Variants in FBN1 observed in about 807,000 individuals in gnomAD.
The protein encoded by FBN1 is fibrillin 1.
FBN1 carries 29 observed loss-of-function variants against 365.1 expected under a neutral mutation model. That is an observed-to-expected ratio of 0.08 (90% confidence interval 0.06 to 0.11). The LOEUF is 0.11. FBN1 is among the 10% of genes least tolerant of loss of function. The pLI is 1.00. For synonymous variants in FBN1, 1,210 were observed against 1,270.5 expected (o/e 0.95, Z 1.01); for missense variants, 2,476 against 3,703.2 (o/e 0.67, Z 8.60).
At chr15:48,636,787 T>C (rs988945153) in intron 2 of FBN1, among the ~76,000 whole-genome samples, 4 of 152,166 alleles carry the variant, frequency 2.6e-5, no homozygotes, top group African/African-American at 4.8e-5. Flanking sequence ...CCAACTGACA[T>C]TGTGGGGCGC....
At chr15:48,463,347 T>G in intron 41 of FBN1, 107 bp from the exon 42 acceptor site, 2 of 1,121,476 alleles carry the variant, frequency 1.8e-6, no homozygotes, top group Non-Finnish European at 2.7e-6. Context: ...TTGAATTGTA[T>G]TGTAGCTTGA....
chr15:48,507,691 C>T (rs1272408719), intron 15 of FBN1, among the ~76,000 whole-genome samples: 1 of 152,188 alleles, frequency 6.6e-6, no homozygotes, highest in African/African-American at 2.4e-5. Flanking sequence ...GGACTTTATT[C>T]TGCTTTCCTC....
intron 6 of FBN1, among the ~76,000 whole-genome samples, chr15:48,541,342 CAA>C (rs375998199): frequency 5.3e-5 from 8 of 152,166 alleles, no homozygotes; most frequent in African/African-American, 1.9e-4. Flanking sequence ...TCACTATAGA[CAA>C]AGTTATTTTG....
In FBN1 at chr15:48,568,425, T is replaced by A. The variant is rs182713590; in HGVS notation, c.538+27858A>T. ...AATGGAAAAATCAATACTGTTAACA[T>A]TTCTTCACAAATTGACCTGTAGATT... On this transcript the variant is annotated intron_variant, in intron 6 of 65. Coordinates refer to ENST00000316623, the MANE Select transcript of FBN1 (RefSeq NM_000138.5). 3.3e-4 allele frequency among the ~76,000 whole-genome samples: 50 copies of A among 152,254 alleles called. 1 individual carries two copies. In the East Asian group the frequency reaches 6.0e-3, roughly 18 times the overall value.
At chr15:48,422,585 G>A (rs967039353) in intron 60 of FBN1, among the ~76,000 whole-genome samples, 3 of 152,160 alleles carry the variant, frequency 2.0e-5, no homozygotes, top group Admixed American at 2.0e-4. Context: ...ATTCTTCTTA[G>A]GATAAACCAA....
At chr15:48,612,945 G>C in intron 3 of FBN1, 65 bp downstream of exon 3, 3 of 1,176,118 alleles carry the variant, frequency 2.6e-6, no homozygotes, top group Non-Finnish European at 3.8e-6. Flanking sequence ...ACATTCTAAG[G>C]CTCCCCATGC....
At chr15:48,495,633 G>A in intron 20 of FBN1, 45 bp from the exon 21 acceptor site, 1 of 1,613,152 alleles carries the variant, frequency 6.2e-7, no homozygotes, top group Non-Finnish European at 8.5e-7. Context: ...TCTAGTCTTG[G>A]GCCTAAAAGA....
chr15:48,499,079 C>A, intron 17 of FBN1, 41 bp from the exon 18 acceptor site: 1 of 1,600,436 alleles, frequency 6.2e-7, no homozygotes, highest in South Asian at 1.1e-5. Context: ...CCCTTGTTTG[C>A]AGAACAGGTA....
At chr15:48,596,399 TG>T in intron 5 of FBN1, 21 bp from the exon 6 acceptor site, 1 of 1,603,472 alleles carries the variant, frequency 6.2e-7, no homozygotes, top group Non-Finnish European at 8.5e-7. Flanking sequence ...AGGAGAGAGC[TG>T]AGACGCTTTA....
chr15:48,503,988 A>G, intron 16 of FBN1, 49 bp from the exon 17 acceptor site: 6 of 1,609,776 alleles, frequency 3.7e-6, no homozygotes, highest in Non-Finnish European at 5.1e-6. Flanking sequence ...CAAACAGATG[A>G]GAACCCCCCA....
chr15:48,526,387 G>A (rs890033242), intron 8 of FBN1, 132 bp from the exon 9 acceptor site: 16 of 904,010 alleles, frequency 1.8e-5, no homozygotes, highest in East Asian at 5.2e-5. Context: ...AGTAAAAACC[G>A]CATGGAGAAC....
At chr15:48,427,985 A>G in intron 57 of FBN1, 1 of 696,294 alleles carries the variant, frequency 1.4e-6, no homozygotes, top group Non-Finnish European at 2.6e-6. Flanking sequence ...AGGCAGAAAG[A>G]CATTGGCCTA....
At chr15:48,539,916 A>C (rs2044045073) in intron 6 of FBN1, among the ~76,000 whole-genome samples, 1 of 152,162 alleles carries the variant, frequency 6.6e-6, no homozygotes, top group South Asian at 2.1e-4. Context: ...AAAACCTGCT[A>C]TCTTCTTCCA....
intron 6 of FBN1, among the ~76,000 whole-genome samples, chr15:48,550,092 AC>A (rs2044130178): frequency 6.6e-6 from 1 of 152,240 alleles, no homozygotes. Flanking sequence ...GGAGGCCTGC[AC>A]GCCAGTCTCA....
intron 9 of FBN1, among the ~76,000 whole-genome samples, chr15:48,524,458 G>A (rs746148421): frequency 6.6e-6 from 1 of 152,116 alleles, no homozygotes; most frequent in Non-Finnish European, 1.5e-5. Flanking sequence ...TCATCACTAC[G>A]GATAATTTTG....
At chr15:48,504,985 C>A (rs775989153) in intron 16 of FBN1, 40 bp downstream of exon 16, 2 of 1,612,916 alleles carry the variant, frequency 1.2e-6, no homozygotes, top group Non-Finnish European at 1.7e-6. Context: ...GTGACAGAGG[C>A]TGAACCTCTC....
At chr15:48,471,974 C>T (rs1258118408) in intron 35 of FBN1, among the ~76,000 whole-genome samples, 1 of 152,234 alleles carries the variant, frequency 6.6e-6, no homozygotes, top group Non-Finnish European at 1.5e-5. Context: ...TGCCATATGG[C>T]AGTATCCCAA....
chr15:48,435,772 A>ATGTGTGTGTGTGTGTGTGTGTG, intron 53 of FBN1, among the ~76,000 whole-genome samples: 1 of 106,360 alleles, frequency 9.4e-6, no homozygotes, highest in Non-Finnish European at 1.8e-5. Flanking sequence ...ATATGTGTAT[A>ATGTGTGTGTGTGTGTGTGTGTG]TGTGTGTGTG....
Position 48,513,658 on chromosome 15 carries a change from T to A in FBN1, c.1479A>T (p.Glu493Asp). The A allele has an allele frequency of 6.2e-7, 1 of 1,613,998 alleles. No homozygotes were observed. The highest frequency in any genetic ancestry group is 1.1e-5 in the South Asian group (1 of 91,082). ...DLRGECIDVDECEKNPCAGGE... is the reference protein window; with the variant it reads ...DLRGECIDVDDCEKNPCAGGE... The stretch of plus-strand genomic sequence containing the variant: ...CACCAGCACAGGGGTTTTTCTCACA[T>A]TCATCAACATCTGCAAAGCACAATG... The change falls in exon 13 of 66, where the codon GAA becomes GAT. Residue 493 changes from glutamate to aspartate, a missense_variant. Physicochemically the swap from Glu to Asp is conservative, Grantham distance 45. Transcript: ENST00000316623.
Sources: allele counts gnomAD v4.1 joint callset (sites outside exome capture counted in the v4.1 genomes callset), GRCh38; gene constraint gnomAD v4.1.1; transcripts MANE v1.5; gene names NCBI Gene and HGNC (gene_info 2026-07-23, HGNC 2026-07-21).